The following B3GAT1 variants were observed in gnomAD, a reference collection of about 807,000 sequenced individuals.
B3GAT1 encodes the protein beta-1,3-glucuronyltransferase 1, also known as galactosylgalactosylxylosylprotein 3-beta-glucuronosyltransferase 1.
B3GAT1 carries 11 observed loss-of-function variants against 28.4 expected under a neutral mutation model. The observed-to-expected ratio is 0.39, with a 90% CI of 0.24 to 0.64. B3GAT1 has a LOEUF of 0.64. Among genes scored for constraint, B3GAT1 ranks in the 30% least tolerant of loss-of-function variants. B3GAT1 has a pLI of 0.50. For missense variants in B3GAT1, 375 were observed against 491.0 expected, an observed-to-expected ratio of 0.76 and a Z score of 2.23; for synonymous variants, 255 against 223.1, an observed-to-expected ratio of 1.14 and a Z score of -1.27.
At chr11:134,399,432 G>A (rs915427293) in intron 1 of B3GAT1, among the ~76,000 whole-genome samples, 5 of 152,236 alleles carry the variant, frequency 3.3e-5, no homozygotes, top group East Asian at 1.9e-4. Flanking sequence ...TCCAGTGGGC[G>A]CACACCCACC....
intron 1 of B3GAT1, among the ~76,000 whole-genome samples, chr11:134,407,862 G>A (rs913939565): frequency 6.6e-6 from 1 of 152,156 alleles, no homozygotes; most frequent in Non-Finnish European, 1.5e-5. Context: ...CACCGTAAGT[G>A]CTTGGTCAGT....
At chr11:134,386,772 C>G (rs757524452) in intron 2 of B3GAT1, 1 of 152,146 alleles carries the variant, frequency 6.6e-6, no homozygotes, top group African/African-American at 2.4e-5. Flanking sequence ...GTTGTACATG[C>G]GTGTCTTTCT....
rs758287811 is a variant in B3GAT1 at position 134,404,023 on chromosome 11, A to T, written c.-282+7784T>A. Among the ~76,000 whole-genome samples the T allele has an allele frequency of 1.8e-3, 200 of 112,414 alleles. 7 individuals carry two copies. The highest frequency in any genetic ancestry group is 6.5e-3 in the African/African-American group (182 of 28,034). The allele number at this position is 112,414 out of a possible 152,430, so 73.7% of individuals were successfully genotyped here. A position where few individuals can be genotyped will look rare whatever the true frequency, so the allele number is the denominator to read the frequency against. ...TATATATATATATATATATATATAT[A>T]TATATATTTATTATACGTTAAGTTC... is the stretch of plus-strand genomic sequence containing the variant. On this transcript the variant is annotated intron_variant, in intron 1 of 5. Transcript: ENST00000312527.
chr11:134,395,617 G>A (rs534296111), intron 1 of B3GAT1, among the ~76,000 whole-genome samples: 8 of 152,136 alleles, frequency 5.3e-5, no homozygotes, highest in Admixed American at 3.9e-4. Context: ...GCCTGGGATT[G>A]GGGGAGAAGT....
In B3GAT1 at chr11:134,412,059, G is replaced by C. The variant is rs1304855022; in HGVS notation, c.-534C>G. The C allele has an allele frequency of 3.6e-5, 5 of 139,872 alleles. No individual in the cohort carries two copies. Among genetic ancestry groups the C allele is most frequent in the Non-Finnish European group, 7.9e-5 (5 of 63,406 alleles). 8.7% of individuals were successfully genotyped at this position (139,872 alleles called of 1,614,324 possible). On this transcript the variant is annotated 5_prime_UTR_variant, in exon 1 of 6. Transcript: ENST00000312527. ...GGCGGCGGCCGAAGGCTGGGAGCGC[G>C]CGGGAGGGAGGGCGCGGGCAGGGAG...
chr11:134,395,404 G>A (rs184489298), intron 1 of B3GAT1, among the ~76,000 whole-genome samples: 17 of 152,192 alleles, frequency 1.1e-4, no homozygotes, highest in African/African-American at 3.9e-4. Context: ...GGTCATGATG[G>A]GTGATGGGAG....
chr11:134,387,776 G>A lies in B3GAT1; in HGVS notation c.-117C>T, dbSNP rs777619475. On this transcript the variant is annotated 5_prime_UTR_variant, in exon 2 of 6. Transcript: ENST00000312527. ...GAAAAGAACAGGCATGGGCCGGGCC[G>A]GCCAGGCATGGAGAGGACAGAGCAG... The A allele has an allele frequency of 1.4e-5, 22 of 1,545,456 alleles. No homozygotes were observed. The Admixed American group carries it at 1.6e-4, about 11-fold the overall frequency.
At chr11:134,394,971 G>A (rs1944476290) in intron 1 of B3GAT1, among the ~76,000 whole-genome samples, 1 of 152,180 alleles carries the variant, frequency 6.6e-6, no homozygotes, top group African/African-American at 2.4e-5. Flanking sequence ...ACTGGGGTTT[G>A]GCTTAGTATA....
intron 1 of B3GAT1, among the ~76,000 whole-genome samples, chr11:134,407,736 C>CA (rs774068284): frequency 0.072 from 9,574 of 132,256 alleles, 723 homozygotes; most frequent in African/African-American, 0.2. Context: ...GCTGTAGCTG[C>CA]AAAAAAAAAA....
intron 1 of B3GAT1, among the ~76,000 whole-genome samples, chr11:134,398,087 G>A (rs767204558): frequency 3.9e-5 from 6 of 152,170 alleles, no homozygotes; most frequent in Non-Finnish European, 7.3e-5. Flanking sequence ...ACAGGGCATC[G>A]AGGCTGTGCT....
rs1944071613 is a variant in B3GAT1, at chr11:134,379,116, T to G, written c.*1646A>C. ...TGGGGAAAACGTCCTGCAAGGTGGC[T>G]CAGGGATCTGATTCCATCAGATGGT... On this transcript the variant is annotated 3_prime_UTR_variant, in exon 6 of 6. Transcript: ENST00000312527. 1 of 152,186 alleles carries G rather than the reference T, an allele frequency of 6.6e-6. No homozygotes were observed. The highest frequency in any genetic ancestry group is 2.1e-4 in the South Asian group (1 of 4,818). 9.4% of individuals were successfully genotyped at this position (152,186 alleles called of 1,614,324 possible). A position where few individuals can be genotyped will look rare whatever the true frequency, so the allele number is the denominator to read the frequency against.
In B3GAT1 at chr11:134,391,648, A is replaced by C. The variant is rs564769119; in HGVS notation, c.-281-3708T>G. ...AGCACGGGGAAGAATGGGGTGCTGG[A>C]GGAGGAGATGGGTGGAGGCACAAGG... On this transcript the variant is annotated intron_variant, in intron 1 of 5. Coordinates refer to ENST00000312527, the MANE Select transcript of B3GAT1 (RefSeq NM_054025.3). The C allele has an allele frequency of 1.6e-4, 24 of 153,422 alleles. 1 individual carries two copies. Among genetic ancestry groups the C allele is most frequent in the African/African-American group, 5.3e-4 (22 of 41,544 alleles). The allele number at this position is 153,422 out of a possible 1,614,324, so 9.5% of individuals were successfully genotyped here. A position where few individuals can be genotyped will look rare whatever the true frequency, so the allele number is the denominator to read the frequency against.
At chr11:134,398,858 C>A (rs539646186) in intron 1 of B3GAT1, among the ~76,000 whole-genome samples, 3 of 152,354 alleles carry the variant, frequency 2.0e-5, no homozygotes, top group Non-Finnish European at 2.9e-5. Flanking sequence ...GCTGAGACTT[C>A]CCTGCCCTTG....
chr11:134,407,365 T>C (rs868768594), intron 1 of B3GAT1, among the ~76,000 whole-genome samples: 2 of 152,200 alleles, frequency 1.3e-5, no homozygotes, highest in Non-Finnish European at 2.9e-5. Context: ...TACAGTGCCA[T>C]TGGCACTCCC....
At chr11:134,404,162 C>T (rs1399093575) in intron 1 of B3GAT1, among the ~76,000 whole-genome samples, 2 of 151,380 alleles carry the variant, frequency 1.3e-5, no homozygotes, top group Non-Finnish European at 2.9e-5. Context: ...TAATGCTATC[C>T]CTCCCCTCTC....
chr11:134,402,111 T>C (rs1944628365), intron 1 of B3GAT1, among the ~76,000 whole-genome samples: 2 of 152,254 alleles, frequency 1.3e-5, no homozygotes, highest in South Asian at 2.1e-4. Flanking sequence ...TCTCATGCCT[T>C]TTCCTGCTGT....
At chr11:134,406,274 C>A (rs1250590925) in intron 1 of B3GAT1, among the ~76,000 whole-genome samples, 1 of 152,260 alleles carries the variant, frequency 6.6e-6, no homozygotes. Flanking sequence ...TGGCAGCTAA[C>A]CATGCCTCCT....
chr11:134,389,077 G>A (rs1211210474), intron 1 of B3GAT1: 4 of 152,220 alleles, frequency 2.6e-5, no homozygotes. Flanking sequence ...CACCAACAGA[G>A]TATACGTGTT....
At chr11:134,388,212 C>T (rs564407523) in intron 1 of B3GAT1, 3 of 291,524 alleles carry the variant, frequency 1.0e-5, no homozygotes, top group South Asian at 1.0e-4. Flanking sequence ...GTTTAAATCC[C>T]AACTGTGCCA....
Sources: allele counts gnomAD v4.1 joint callset (sites outside exome capture counted in the v4.1 genomes callset), GRCh38; gene constraint gnomAD v4.1.1; transcripts MANE v1.5; gene names NCBI Gene and HGNC (gene_info 2026-07-23, HGNC 2026-07-21).